CORO2A: variants seen among roughly 807,000 people sequenced by gnomAD.
CORO2A encodes the protein coronin 2A, also known as coronin-2A.
In CORO2A, 47 loss-of-function variants were observed where a neutral mutation model predicts 62.4. The ratio of observed to expected loss-of-function variants is 0.75; its 90% confidence interval spans 0.60 to 0.96. The LOEUF is 0.96. Ranked by LOEUF, CORO2A falls within the 40% of genes least tolerant of loss-of-function variation. CORO2A has a pLI of 0.00. For missense variants in CORO2A, 610 were observed against 684.1 expected (o/e 0.89, Z 1.21); for synonymous variants, 273 against 268.9 (o/e 1.02, Z -0.15).
chr9:98,163,730 A>ATGTGTGTGTGTGTGTG (rs368890494), intron 1 of CORO2A, among the ~76,000 whole-genome samples: 8 of 135,852 alleles, frequency 5.9e-5, no homozygotes, highest in African/African-American at 2.2e-4. Context: ...GTGTGTGTGT[A>ATGTGTGTGTGTGTGTG]TGTGTGTGTG....
In CORO2A at chr9:98,129,708, G is replaced by A. The variant is rs2231667; in HGVS notation, c.967+86C>T. The A allele has an allele frequency of 3.0e-3, 2,964 of 989,662 alleles. 44 individuals are homozygous for A. The African/African-American group carries it at 0.035, about 12-fold the overall frequency. The allele number at this position is 989,662 out of a possible 1,614,324, so 61.3% of individuals were successfully genotyped here. A position where few individuals can be genotyped will look rare whatever the true frequency, so the allele number is the denominator to read the frequency against. Reference sequence around the variant, plus strand: ...ACTCATCCCTGTCTCCCCAGACCCCGCACTGAAGCCCTGACCCTGATTCTC... The same window carrying A: ...ACTCATCCCTGTCTCCCCAGACCCCACACTGAAGCCCTGACCCTGATTCTC... On this transcript the variant is annotated intron_variant, in intron 8 of 11. Transcript: ENST00000375077.
intron 2 of CORO2A, among the ~76,000 whole-genome samples, chr9:98,152,702 C>T (rs1564208510): frequency 6.6e-6 from 1 of 152,044 alleles, no homozygotes; most frequent in African/African-American, 2.4e-5. Context: ...GATGTAATGA[C>T]CTAAAAATGA....
chr9:98,156,216 T>G (rs1402612417), intron 2 of CORO2A, among the ~76,000 whole-genome samples: 1 of 152,082 alleles, frequency 6.6e-6, no homozygotes, highest in Admixed American at 6.6e-5. Context: ...ATTTTTGTAT[T>G]TTTTGTACAG....
chr9:98,123,497 T>G lies in CORO2A; in HGVS notation c.*1277A>C, dbSNP rs1746239. 8.0e-6 allele frequency: 1 copy of G among 125,604 alleles called. No homozygotes were observed. Among genetic ancestry groups the G allele is most frequent in the African/African-American group, 2.8e-5 (1 of 36,320 alleles). The allele number at this position is 125,604 out of a possible 1,614,324, so 7.8% of individuals were successfully genotyped here. On this transcript the variant is annotated 3_prime_UTR_variant, in exon 12 of 12. Coordinates refer to ENST00000375077, the MANE Select transcript of CORO2A (RefSeq NM_052820.4). ...TAGTCTTCCCCTATTCTCTCTCTCT[T>G]TTTTTTTTTTTTTTTGGAGATGGAG...
chr9:98,144,580 A>T (rs138915772), intron 2 of CORO2A, among the ~76,000 whole-genome samples: 1 of 152,256 alleles, frequency 6.6e-6, no homozygotes, highest in East Asian at 1.9e-4. Context: ...AGGAGGCAGG[A>T]AGGAATATAC....
At chr9:98,153,558 C>T (rs141005424) in intron 2 of CORO2A, among the ~76,000 whole-genome samples, 141 of 151,712 alleles carry the variant, frequency 9.3e-4, no homozygotes, top group African/African-American at 3.3e-3. Flanking sequence ...AGGTGTGTAC[C>T]ACTGTGCCCA....
At chr9:98,165,823 T>A (rs369551648) in intron 1 of CORO2A, among the ~76,000 whole-genome samples, 4 of 152,172 alleles carry the variant, frequency 2.6e-5, no homozygotes, top group Admixed American at 6.5e-5. Flanking sequence ...ACTAGGGAAC[T>A]TTTTATTTGC....
intron 2 of CORO2A, among the ~76,000 whole-genome samples, chr9:98,148,696 GA>G (rs1384932467): frequency 2.0e-5 from 3 of 151,942 alleles, no homozygotes; most frequent in African/African-American, 7.3e-5. Context: ...GGGCTGCAGT[GA>G]GATATGATCA....
At chr9:98,171,984 C>T (rs1007143337) in intron 1 of CORO2A, among the ~76,000 whole-genome samples, 2 of 151,960 alleles carry the variant, frequency 1.3e-5, no homozygotes, top group African/African-American at 4.8e-5. Context: ...CAACTTTGGG[C>T]TGGTATCGAA....
intron 1 of CORO2A, among the ~76,000 whole-genome samples, chr9:98,174,213 C>T (rs1452551394): frequency 6.7e-6 from 1 of 150,372 alleles, no homozygotes; most frequent in African/African-American, 2.5e-5. Context: ...AACCAGTGGG[C>T]CAAGGCAAGC....
At position 98,123,496 on chromosome 9, in the gene CORO2A, T is replaced by C. The variant is rs1176744056; in HGVS notation, c.*1278A>G. 4 of 117,926 alleles carry C rather than the reference T, an allele frequency of 3.4e-5. No individual in the cohort carries two copies. The highest frequency in any genetic ancestry group is 1.2e-4 in the African/African-American group (4 of 34,272). The allele number at this position is 117,926 out of a possible 1,614,324, so 7.3% of individuals were successfully genotyped here. On this transcript the variant is annotated 3_prime_UTR_variant, in exon 12 of 12. Transcript: ENST00000375077. ...TTAGTCTTCCCCTATTCTCTCTCTC[T>C]TTTTTTTTTTTTTTTTGGAGATGGA...
At chr9:98,157,997 G>A (rs1198403212) in intron 1 of CORO2A, among the ~76,000 whole-genome samples, 2 of 152,192 alleles carry the variant, frequency 1.3e-5, no homozygotes, top group Non-Finnish European at 2.9e-5. Context: ...TCACCAGACA[G>A]CCCAGTACCC....
intron 10 of CORO2A, 74 bp downstream of exon 10, chr9:98,128,096 C>G (rs1827352653): frequency 1.6e-6 from 2 of 1,253,966 alleles, no homozygotes; most frequent in East Asian, 4.7e-5. Context: ...CCCAACCCCT[C>G]TCAATTGCTT....
rs752910123 is a variant in CORO2A at position 98,137,643 on chromosome 9, C to T, written c.247G>A (p.Gly83Ser). Reference protein sequence around the residue: ...PHYPKVCGHRGNVLDVKWNPF... With the variant: ...PHYPKVCGHRSNVLDVKWNPF... ...TTCCACTTGACATCCAAAACGTTGCCTCTGTGCCCGCAGACTTTTGGGTAG... is the reference window on the plus strand; with the variant it reads ...TTCCACTTGACATCCAAAACGTTGCTTCTGTGCCCGCAGACTTTTGGGTAG... Residue 83 changes from glycine (G) to serine (S), a missense_variant, in exon 3 of 12, where the codon GGC becomes AGC. Coordinates refer to ENST00000375077, the MANE Select transcript of CORO2A (RefSeq NM_052820.4). 7.4e-6 allele frequency: 12 copies of T among 1,614,130 alleles called. No homozygotes were observed. The highest frequency in any genetic ancestry group is 4.0e-5 in the African/African-American group (3 of 74,938).
intron 4 of CORO2A, 51 bp downstream of exon 4, chr9:98,134,755 G>A: frequency 6.5e-7 from 1 of 1,536,660 alleles, no homozygotes; most frequent in South Asian, 1.2e-5. Context: ...TTGTATTCCA[G>A]TTTGTGGGAA....
intron 2 of CORO2A, among the ~76,000 whole-genome samples, chr9:98,153,649 A>AC (rs1554744889): frequency 9.7e-5 from 13 of 133,888 alleles, no homozygotes; most frequent in South Asian, 2.6e-4. Context: ...TCTGTTTCCA[A>AC]ACACACACAC....
intron 11 of CORO2A, 149 bp from the exon 12 acceptor site, chr9:98,125,054 T>C: frequency 1.4e-6 from 1 of 740,482 alleles, no homozygotes; most frequent in Non-Finnish European, 2.1e-6. Context: ...ATAGATCTTT[T>C]ACAAACACCT....
chr9:98,175,847 G>T (rs1276889724), intron 1 of CORO2A, among the ~76,000 whole-genome samples: 1 of 152,180 alleles, frequency 6.6e-6, no homozygotes, highest in Non-Finnish European at 1.5e-5. Flanking sequence ...GTTAATATCT[G>T]TCAAGCACTT....
intron 1 of CORO2A, among the ~76,000 whole-genome samples, chr9:98,158,198 C>A (rs796571328): frequency 4.6e-5 from 7 of 152,246 alleles, no homozygotes; most frequent in African/African-American, 1.7e-4. Flanking sequence ...GTAATCCCAG[C>A]ATTTTGGGAG....
Sources: allele counts gnomAD v4.1 joint callset (sites outside exome capture counted in the v4.1 genomes callset), GRCh38; gene constraint gnomAD v4.1.1; transcripts MANE v1.5; gene names NCBI Gene and HGNC (gene_info 2026-07-23, HGNC 2026-07-21).